AGBL1: variants seen among roughly 807,000 people sequenced by gnomAD.
The protein encoded by AGBL1 is AGBL carboxypeptidase 1.
In AGBL1, 130 loss-of-function variants were observed where a neutral mutation model predicts 118.9. The observed-to-expected ratio is 1.09, with a 90% CI of 0.95 to 1.26. AGBL1 has a LOEUF of 1.26. Among genes scored for constraint, AGBL1 ranks in the 50% most tolerant of loss-of-function variants. AGBL1 has a pLI of 0.00. For synonymous variants in AGBL1, 555 were observed against 478.9 expected (o/e 1.16, Z -2.08); for missense variants, 1,584 against 1,298.1 (o/e 1.22, Z -3.38).
chr15:86,317,968 A>G lies in AGBL1; in HGVS notation c.2374+22560A>G, dbSNP rs1390860. Among the ~76,000 whole-genome samples the G allele has an allele frequency of 4.2e-3, 635 of 152,330 alleles. 6 individuals carry two copies. Among genetic ancestry groups the G allele is most frequent in the African/African-American group, 0.014 (593 of 41,578 alleles). ...TCCTGAGACTTCTGGACCAAGTATT[A>G]TAGTGTCATGAGTAAAAAGAATAGG... On this transcript the variant is annotated intron_variant, in intron 17 of 22. Coordinates refer to ENST00000614907, the MANE Select transcript of AGBL1 (RefSeq NM_001386094.1).
intron 18 of AGBL1, among the ~76,000 whole-genome samples, chr15:86,425,664 G>A (rs1012795723): frequency 3.3e-5 from 5 of 152,116 alleles, no homozygotes; most frequent in African/African-American, 9.7e-5. Context: ...TAAACTTCTG[G>A]TAATTTATAA....
At chr15:86,290,343 C>CTTTTTTTTTT (rs559169172) in intron 16 of AGBL1, among the ~76,000 whole-genome samples, 20 of 134,326 alleles carry the variant, frequency 1.5e-4, no homozygotes, top group African/African-American at 1.7e-4. Flanking sequence ...TCTTTTCTTT[C>CTTTTTTTTTT]TTTTTTTTTT....
intron 21 of AGBL1, among the ~76,000 whole-genome samples, chr15:86,611,768 A>G (rs2084659044): frequency 6.6e-6 from 1 of 152,186 alleles, no homozygotes; most frequent in Admixed American, 6.5e-5. Context: ...TATTAGAAGA[A>G]CAAGCCTATT....
intron 23 of AGBL1, among the ~76,000 whole-genome samples, chr15:86,951,218 A>G (rs2080877636): frequency 6.6e-6 from 1 of 152,156 alleles, no homozygotes; most frequent in East Asian, 1.9e-4. Context: ...GTTGGTGAGG[A>G]TAAGAAGCTA....
At chr15:86,563,621 G>C (rs904245596) in intron 21 of AGBL1, among the ~76,000 whole-genome samples, 6 of 152,068 alleles carry the variant, frequency 3.9e-5, no homozygotes, top group African/African-American at 7.3e-5. Context: ...ATTTGGGGTG[G>C]ATGGTTATGT....
chr15:86,660,193 G>A (rs77135166), intron 21 of AGBL1, among the ~76,000 whole-genome samples: 3 of 152,000 alleles, frequency 2.0e-5, no homozygotes, highest in African/African-American at 7.2e-5. Context: ...AGGAGGGACT[G>A]CAGTATCTTC....
intron 22 of AGBL1, among the ~76,000 whole-genome samples, chr15:86,676,143 C>G (rs1432638118): frequency 6.6e-6 from 1 of 152,152 alleles, no homozygotes; most frequent in Non-Finnish European, 1.5e-5. Context: ...GCTGGTGCAG[C>G]TCCCAGTCTA....
At chr15:87,009,213 T>C (rs1180568052) in intron 24 of AGBL1, among the ~76,000 whole-genome samples, 1 of 152,122 alleles carries the variant, frequency 6.6e-6, no homozygotes, top group African/African-American at 2.4e-5. Context: ...GTCCCTATGC[T>C]ATGTGCAGTC....
At chr15:86,917,601 G>T (rs1275871173), downstream of AGBL1, among the ~76,000 whole-genome samples, 1 of 152,182 alleles carries the variant, frequency 6.6e-6, no homozygotes, top group Non-Finnish European at 1.5e-5. This position sits in a 1 kb window ranked among gnomAD's most constrained non-coding sequence, Gnocchi z 4.8. Context: ...CCTTGTTCCA[G>T]GCCTTGTCAT....
chr15:86,972,567 A>G (rs1473503236), intron 23 of AGBL1, among the ~76,000 whole-genome samples: 1 of 152,028 alleles, frequency 6.6e-6, no homozygotes, highest in Non-Finnish European at 1.5e-5. Flanking sequence ...CATTACTGTC[A>G]AGCCTATCTT....
At chr15:86,176,116 T>A (rs1266084993) in intron 5 of AGBL1, among the ~76,000 whole-genome samples, 2 of 152,220 alleles carry the variant, frequency 1.3e-5, no homozygotes, top group Non-Finnish European at 2.9e-5. Context: ...TTGGAGTCTA[T>A]CTCTCCAGTA....
At chr15:86,762,469 T>C (rs1267884505) in intron 22 of AGBL1, among the ~76,000 whole-genome samples, 1 of 151,996 alleles carries the variant, frequency 6.6e-6, no homozygotes, top group African/African-American at 2.4e-5. Flanking sequence ...AATATCCCAA[T>C]AGACTTTGAG....
chr15:86,618,178 A>G (rs2084757056), intron 21 of AGBL1, among the ~76,000 whole-genome samples: 1 of 152,206 alleles, frequency 6.6e-6, no homozygotes, highest in Admixed American at 6.5e-5. Context: ...TTGATATCAG[A>G]GAAGATAATT....
chr15:86,143,105 G>A (rs747937995), intron 2 of AGBL1, among the ~76,000 whole-genome samples: 1 of 152,134 alleles, frequency 6.6e-6, no homozygotes, highest in African/African-American at 2.4e-5. Context: ...TTGTACTTAG[G>A]TAGAAAGACC....
intron 21 of AGBL1, among the ~76,000 whole-genome samples, chr15:86,583,636 A>C (rs1465217575): frequency 6.6e-6 from 1 of 152,142 alleles, no homozygotes; most frequent in Non-Finnish European, 1.5e-5. Context: ...TGCTACAGTG[A>C]ATGTGCAACT....
At chr15:86,968,076 T>C (rs895588550) in intron 23 of AGBL1, among the ~76,000 whole-genome samples, 1 of 151,950 alleles carries the variant, frequency 6.6e-6, no homozygotes, top group Non-Finnish European at 1.5e-5. Flanking sequence ...GGTTCTCTTT[T>C]ATGTTGCAGA....
chr15:86,183,815 G>A (rs774605864), intron 5 of AGBL1, among the ~76,000 whole-genome samples: 22 of 152,166 alleles, frequency 1.4e-4, no homozygotes, highest in South Asian at 4.1e-4. Context: ...AGATGATGCC[G>A]TTACGAAATT....
intron 5 of AGBL1, among the ~76,000 whole-genome samples, chr15:86,171,295 G>C (rs1442251609): frequency 6.6e-6 from 1 of 152,012 alleles, no homozygotes; most frequent in African/African-American, 2.4e-5. Flanking sequence ...TTTAAATAAA[G>C]GTAATCTCAA....
intron 17 of AGBL1, among the ~76,000 whole-genome samples, chr15:86,298,347 TG>T (rs2079691125): frequency 8.0e-6 from 1 of 124,236 alleles, no homozygotes; most frequent in Non-Finnish European, 1.7e-5. Flanking sequence ...TATATATATA[TG>T]AATATATTCT....
Sources: gnomAD v4.1 joint callset for allele counts (sites outside exome capture counted in the v4.1 genomes callset) on GRCh38, gnomAD v4.1.1 for gene constraint, Gnocchi (gnomAD v3.1) non-coding constraint, MANE v1.5 for transcripts, NCBI Gene and HGNC (gene_info 2026-07-23, HGNC 2026-07-21) for gene names.